Variants in GRIN3A observed in about 807,000 individuals in gnomAD.
GRIN3A encodes the protein glutamate receptor ionotropic, NMDA 3A.
GRIN3A carries 47 observed loss-of-function variants against 92.4 expected under a neutral mutation model. The observed-to-expected ratio is 0.51, with a 90% CI of 0.40 to 0.65. The LOEUF (loss-of-function observed/expected upper bound fraction) is 0.65. GRIN3A is among the 30% of genes least tolerant of loss of function. The pLI is 0.00. For synonymous variants in GRIN3A, 527 were observed against 540.6 expected (o/e 0.97, Z 0.35); for missense variants, 1,324 against 1,393.1 (o/e 0.95, Z 0.79).
At position 101,738,169 on chromosome 9, in the gene GRIN3A, C is replaced by T. The variant is rs1379147883; in HGVS notation, c.-190G>A. On this transcript the variant is annotated 5_prime_UTR_variant, in exon 1 of 9. Transcript: ENST00000361820. ...TAGCGCGCCTCCGGCAGTCTCAGAT[C>T]CCGCTCCCAGGTCCCTCCGCCTGGC... 2.4e-5 allele frequency: 16 copies of T among 654,496 alleles called. No homozygotes were observed. The highest frequency in any genetic ancestry group is 3.9e-5 in the Non-Finnish European group (14 of 362,038). 40.5% of individuals were successfully genotyped at this position (654,496 alleles called of 1,614,324 possible). A position where few individuals can be genotyped will look rare whatever the true frequency, so the allele number is the denominator to read the frequency against.
At chr9:101,593,330 T>C (rs1282971542) in intron 6 of GRIN3A, 1 of 152,188 alleles carries the variant, frequency 6.6e-6, no homozygotes, top group Non-Finnish European at 1.5e-5. Flanking sequence ...GGGAAAAGGC[T>C]TCCTGGAATG....
intron 1 of GRIN3A, among the ~76,000 whole-genome samples, chr9:101,733,409 A>T (rs987370390): frequency 3.3e-5 from 5 of 152,372 alleles, no homozygotes; most frequent in Admixed American, 1.3e-4. Context: ...CCTGTAAAAG[A>T]TCACTGCTTT....
At chr9:101,594,608 C>A in intron 6 of GRIN3A, 1 of 1,614,188 alleles carries the variant, frequency 6.2e-7, no homozygotes. Flanking sequence ...GGAAATGTAG[C>A]CATCTTTATC....
intron 3 of GRIN3A, among the ~76,000 whole-genome samples, chr9:101,643,372 A>T (rs1048700327): frequency 1.7e-4 from 26 of 152,204 alleles, no homozygotes; most frequent in South Asian, 1.5e-3. Context: ...ACCTGTTAAG[A>T]TGACTATTAT....
intron 2 of GRIN3A, among the ~76,000 whole-genome samples, chr9:101,684,748 T>G (rs978709878): frequency 1.3e-5 from 2 of 152,206 alleles, no homozygotes; most frequent in African/African-American, 4.8e-5. Context: ...TTTTTAGGAT[T>G]CAAACAGAAT....
At chr9:101,695,461 T>C (rs1829674253) in intron 1 of GRIN3A, among the ~76,000 whole-genome samples, 1 of 152,148 alleles carries the variant, frequency 6.6e-6, no homozygotes, top group South Asian at 2.1e-4. Flanking sequence ...AATGGTGATG[T>C]AATTTTTGAG....
At chr9:101,593,964 AG>A (rs1222880411) in intron 6 of GRIN3A, 4 of 156,750 alleles carry the variant, frequency 2.6e-5, no homozygotes, top group Non-Finnish European at 5.6e-5. Context: ...TTGCTACAAT[AG>A]GAAGTTAACA....
intron 2 of GRIN3A, among the ~76,000 whole-genome samples, chr9:101,675,544 G>T (rs1386363909): frequency 6.6e-6 from 1 of 151,874 alleles, no homozygotes; most frequent in Non-Finnish European, 1.5e-5. Flanking sequence ...GGTGCTGGGG[G>T]TGTAGTAGTG....
intron 1 of GRIN3A, among the ~76,000 whole-genome samples, chr9:101,715,804 G>C (rs191780933): frequency 6.6e-6 from 1 of 151,934 alleles, no homozygotes; most frequent in Non-Finnish European, 1.5e-5. Flanking sequence ...GAATTACAAT[G>C]GCAAATAAAA....
At chr9:101,599,704 G>A (rs1167448435) in intron 6 of GRIN3A, among the ~76,000 whole-genome samples, 1 of 152,084 alleles carries the variant, frequency 6.6e-6, no homozygotes, top group Non-Finnish European at 1.5e-5. Context: ...TAGGTCACAT[G>A]TAAAAATAAC....
intron 1 of GRIN3A, among the ~76,000 whole-genome samples, chr9:101,728,546 A>G (rs562261247): frequency 3.9e-5 from 6 of 152,204 alleles, no homozygotes; most frequent in African/African-American, 1.4e-4. Context: ...TTCAAAAGCC[A>G]TGTCAAATCT....
intron 3 of GRIN3A, among the ~76,000 whole-genome samples, chr9:101,631,088 C>A (rs752110695): frequency 6.6e-6 from 1 of 152,086 alleles, no homozygotes; most frequent in Non-Finnish European, 1.5e-5. Context: ...ATCACAGTTG[C>A]AGTTTTAAAT....
chr9:101,699,216 A>T (rs1829723911), intron 1 of GRIN3A, among the ~76,000 whole-genome samples: 1 of 152,086 alleles, frequency 6.6e-6, no homozygotes, highest in African/African-American at 2.4e-5. Flanking sequence ...CTAGGCCTAC[A>T]CAGGTTCAGG....
chr9:101,616,366 A>G (rs945488120), intron 5 of GRIN3A, among the ~76,000 whole-genome samples: 7 of 152,194 alleles, frequency 4.6e-5, no homozygotes, highest in Non-Finnish European at 1.0e-4. Context: ...CAGCAGAATC[A>G]AAAGCTACCC....
At chr9:101,656,115 C>T (rs2118925199) in intron 3 of GRIN3A, among the ~76,000 whole-genome samples, 1 of 152,054 alleles carries the variant, frequency 6.6e-6, no homozygotes, top group East Asian at 1.9e-4. Context: ...CTTACTATCT[C>T]CACAGGGGAA....
At chr9:101,735,635 G>A (rs891916506) in intron 1 of GRIN3A, among the ~76,000 whole-genome samples, 4 of 151,880 alleles carry the variant, frequency 2.6e-5, no homozygotes, top group Non-Finnish European at 4.4e-5. Context: ...GGCCACTTAC[G>A]AAGTATTAGG....
rs985481241 is a variant in GRIN3A, at chr9:101,602,854, G to C, written c.2766+10522C>G. ...GCCCTAATCTTGTGATGATACGGAG[G>C]GAGGGGAAAACAAGACCAGAGAATT... On this transcript the variant is annotated intron_variant, in intron 6 of 8. Coordinates refer to ENST00000361820, the MANE Select transcript of GRIN3A (RefSeq NM_133445.3). 22 of 147,978 alleles carry C rather than the reference G, an allele frequency of 1.5e-4. 1 individual carries two copies. The East Asian group carries it at 3.6e-3, about 24-fold the overall frequency. 9.2% of individuals were successfully genotyped at this position (147,978 alleles called of 1,614,324 possible). A position where few individuals can be genotyped will look rare whatever the true frequency, so the allele number is the denominator to read the frequency against.
chr9:101,703,742 C>T (rs1325910772), intron 1 of GRIN3A, among the ~76,000 whole-genome samples: 1 of 152,174 alleles, frequency 6.6e-6, no homozygotes, highest in Non-Finnish European at 1.5e-5. Flanking sequence ...ACGCATTTCT[C>T]AGAAATTGTC....
chr9:101,735,877 C>G (rs928347091), intron 1 of GRIN3A, among the ~76,000 whole-genome samples: 61 of 147,710 alleles, frequency 4.1e-4, no homozygotes, highest in African/African-American at 1.4e-3. Flanking sequence ...TTAGCCTGCA[C>G]TCTACAGATC....
Sources: gnomAD v4.1 joint callset for allele counts (sites outside exome capture counted in the v4.1 genomes callset) on GRCh38, gnomAD v4.1.1 for gene constraint, MANE v1.5 for transcripts, NCBI Gene and HGNC (gene_info 2026-07-23, HGNC 2026-07-21) for gene names.